The following SEC22C variants were observed in gnomAD, a reference collection of about 807,000 sequenced individuals.
The protein encoded by SEC22C is SEC22 homolog C, vesicle trafficking protein, also known as vesicle-trafficking protein SEC22c.
A neutral mutation model predicts 34.7 loss-of-function variants in SEC22C; 29 were observed. The ratio of observed to expected loss-of-function variants is 0.84; its 90% CI spans 0.62 to 1.14. SEC22C has a LOEUF of 1.14. Among genes scored for constraint, SEC22C ranks in the 50% most tolerant of loss-of-function variants. SEC22C has a pLI of 0.00. For missense variants in SEC22C, 337 were observed against 369.0 expected, an observed-to-expected ratio of 0.91 and a Z score of 0.71; for synonymous variants, 117 against 132.8, an observed-to-expected ratio of 0.88 and a Z score of 0.82.
chr3:42,591,591 G>A, intron 1 of SEC22C: 1 of 1,613,184 alleles, frequency 6.2e-7, no homozygotes, highest in Non-Finnish European at 8.5e-7. Flanking sequence ...CCGCGGGAAC[G>A]AGTGCGTGCA....
chr3:42,585,658 G>A (rs1704586088), upstream of SEC22C, among the ~76,000 whole-genome samples: 1 of 152,098 alleles, frequency 6.6e-6, no homozygotes, highest in Admixed American at 6.5e-5. Context: ...TCCTTGCACA[G>A]TTATCTTTCT....
chr3:42,589,637 C>T (rs1008795307), intron 1 of SEC22C, among the ~76,000 whole-genome samples: 7 of 152,220 alleles, frequency 4.6e-5, no homozygotes, highest in Non-Finnish European at 1.0e-4. Flanking sequence ...ATTAGATTCT[C>T]ACAGGAGCGT....
intron 1 of SEC22C, among the ~76,000 whole-genome samples, chr3:42,576,225 T>C (rs1008532614): frequency 1.3e-5 from 2 of 152,242 alleles, no homozygotes; most frequent in Non-Finnish European, 1.5e-5. Context: ...GGGAAATCCA[T>C]AGCACTAAAT....
intron 3 of SEC22C, among the ~76,000 whole-genome samples, chr3:42,563,274 C>T (rs1208700541): frequency 6.6e-6 from 1 of 152,214 alleles, no homozygotes; most frequent in African/African-American, 2.4e-5. Context: ...TGGGTTATAA[C>T]CTACACGTTT....
intron 4 of SEC22C, among the ~76,000 whole-genome samples, chr3:42,560,114 CTCTCTCTA>C (rs1243510543): frequency 4.5e-4 from 52 of 114,602 alleles, no homozygotes; most frequent in African/African-American, 1.4e-3. Context: ...CTCTCTCTCT[CTCTCTCTA>C]TATATATATA....
At chr3:42,579,233 T>C (rs910956764) in intron 1 of SEC22C, among the ~76,000 whole-genome samples, 7 of 151,518 alleles carry the variant, frequency 4.6e-5, no homozygotes, top group Admixed American at 1.3e-4. Flanking sequence ...GCTGAGATTG[T>C]GCCATCACAC....
At chr3:42,570,757 T>A (rs866379870) in intron 1 of SEC22C, among the ~76,000 whole-genome samples, 1 of 152,174 alleles carries the variant, frequency 6.6e-6, no homozygotes, top group Non-Finnish European at 1.5e-5. Context: ...TTTTGTTCTA[T>A]CTTCTATACT....
At chr3:42,559,178 T>TCA (rs1043466061) in intron 4 of SEC22C, among the ~76,000 whole-genome samples, 10 of 152,194 alleles carry the variant, frequency 6.6e-5, no homozygotes, top group African/African-American at 2.4e-4. Flanking sequence ...CACTTATATT[T>TCA]CACACACACA....
In SEC22C at chr3:42,549,258, A is replaced by G. The variant is rs536320605; in HGVS notation, c.*3990T>C. ...TGCCAGGCACATCTGATCACCATAA[A>G]TGCTCCCACCCCTGCCTGTCCTCAC... On this transcript the variant is annotated 3_prime_UTR_variant, in exon 7 of 7. Coordinates refer to ENST00000264454, the MANE Select transcript of SEC22C (RefSeq NM_032970.4). The G allele has an allele frequency of 7.3e-5, 72 of 986,248 alleles. 1 individual carries two copies. The South Asian group carries it at 2.8e-3, about 39-fold the overall frequency. 61.1% of individuals were successfully genotyped at this position (986,248 alleles called of 1,614,324 possible). A position where few individuals can be genotyped will look rare whatever the true frequency, so the allele number is the denominator to read the frequency against.
intron 1 of SEC22C, chr3:42,579,676 C>T (rs559928294): frequency 6.6e-5 from 10 of 152,018 alleles, no homozygotes; most frequent in African/African-American, 2.2e-4. Flanking sequence ...AAGGCAGCTT[C>T]AGAATGTTCA....
chr3:42,553,488 A>C (rs1470642554), intron 6 of SEC22C, 40 bp from the exon 7 acceptor site: 2 of 1,600,094 alleles, frequency 1.2e-6, no homozygotes, highest in East Asian at 4.5e-5. Flanking sequence ...TCAGAGATAA[A>C]ATGGCCACTA....
rs116673194 is a variant in SEC22C at position 42,549,400 on chromosome 3, A to G, written c.*3848T>C. On this transcript the variant is annotated 3_prime_UTR_variant, in exon 7 of 7. Coordinates refer to ENST00000264454, the MANE Select transcript of SEC22C (RefSeq NM_032970.4). ...AATAGCAGCCCTGGCTACAAGGTGC[A>G]GTGTGCAACCCCCATATGCCAAGGG... 680 of 985,654 alleles carry G rather than the reference A, an allele frequency of 6.9e-4. 4 individuals are homozygous for G. In the African/African-American group the frequency reaches 0.011, roughly 16 times the overall value. 61.1% of individuals were successfully genotyped at this position (985,654 alleles called of 1,614,324 possible). A position where few individuals can be genotyped will look rare whatever the true frequency, so the allele number is the denominator to read the frequency against.
chr3:42,549,651 C>T lies in SEC22C; in HGVS notation c.*3597G>A. Reference sequence around the variant, plus strand: ...GCTCCCACTCTGAAGCTCGTCTACCCACCCCATTTGTTACAATTAAAGATG... The same window carrying T: ...GCTCCCACTCTGAAGCTCGTCTACCTACCCCATTTGTTACAATTAAAGATG... On this transcript the variant is annotated 3_prime_UTR_variant, in exon 7 of 7. Coordinates refer to ENST00000264454, the MANE Select transcript of SEC22C (RefSeq NM_032970.4). The T allele has an allele frequency of 1.0e-6, 1 of 985,460 alleles. No individual in the cohort carries two copies. Among genetic ancestry groups the T allele is most frequent in the Non-Finnish European group, 1.2e-6 (1 of 829,980 alleles). 61.0% of individuals were successfully genotyped at this position (985,460 alleles called of 1,614,324 possible). A position where few individuals can be genotyped will look rare whatever the true frequency, so the allele number is the denominator to read the frequency against.
In SEC22C at chr3:42,548,954, C is replaced by CG. The variant is rs1250884130; in HGVS notation, c.*4293dup. On this transcript the variant is annotated 3_prime_UTR_variant, in exon 7 of 7. Transcript: ENST00000264454. ...TTTGACCCTCATAACAGCACCCTGG[C>CG]GGGGGGGCAGATTGATGTTATCACC... 81 of 1,167,124 alleles carry CG rather than the reference C, an allele frequency of 6.9e-5. No homozygotes were observed. The highest frequency in any genetic ancestry group is 3.6e-4 in the Middle Eastern group (1 of 2,790). The allele number at this position is 1,167,124 out of a possible 1,614,324, so 72.3% of individuals were successfully genotyped here. A position where few individuals can be genotyped will look rare whatever the true frequency, so the allele number is the denominator to read the frequency against.
rs1702172473 is a variant in SEC22C, at chr3:42,550,052, T to G, written c.*3196A>C. The G allele has an allele frequency of 2.0e-6, 2 of 985,416 alleles. No individual in the cohort carries two copies. Among genetic ancestry groups the G allele is most frequent in the Non-Finnish European group, 1.2e-6 (1 of 829,942 alleles). The allele number at this position is 985,416 out of a possible 1,614,324, so 61.0% of individuals were successfully genotyped here. On this transcript the variant is annotated 3_prime_UTR_variant, in exon 7 of 7. Transcript: ENST00000264454. ...ACTAGCCTAACAGGGGAAAACAGAT[T>G]TACATGTTTCGTTCATTAGCATATT...
chr3:42,585,269 T>C (rs144987070), upstream of SEC22C, among the ~76,000 whole-genome samples: 1,224 of 152,304 alleles, frequency 8.0e-3, 11 homozygotes, highest in African/African-American at 0.028. Context: ...CCATGGTAGA[T>C]TGGACAACAG....
intron 1 of SEC22C, among the ~76,000 whole-genome samples, chr3:42,595,562 C>G (rs1024758806): frequency 6.6e-6 from 1 of 152,204 alleles, no homozygotes; most frequent in African/African-American, 2.4e-5. Context: ...ATGATCCACC[C>G]AGCTTTGATG....
Position 42,591,407 on chromosome 3 carries a change from C to T in SEC22C, c.-28+9553G>A. ...ATGGGGTTTCCCCATGTTGGCCAGG[C>T]TAGTCTCGAACTCCTGACCTCGTGA... On this transcript the variant is annotated intron_variant, in intron 1 of 6. Transcript: ENST00000417572. 4.0e-6 allele frequency: 3 copies of T among 742,046 alleles called. No homozygotes were observed. The South Asian group carries it at 4.5e-5, about 11-fold the overall frequency. The allele number at this position is 742,046 out of a possible 1,614,324, so 46.0% of individuals were successfully genotyped here.
chr3:42,582,469 C>G (rs13085695), upstream of SEC22C: 26,359 of 152,358 alleles, frequency 0.17, 2,783 homozygotes, highest in African/African-American at 0.3. Flanking sequence ...AGCTGGGGAC[C>G]GAGGCACCCA....
Sources: gnomAD v4.1 joint callset for allele counts (sites outside exome capture counted in the v4.1 genomes callset) on GRCh38, gnomAD v4.1.1 for gene constraint, MANE v1.5 for transcripts, NCBI Gene and HGNC (gene_info 2026-07-23, HGNC 2026-07-21) for gene names.